FRMPD4: variants seen among roughly 807,000 people sequenced by gnomAD.
FRMPD4 encodes FERM and PDZ domain containing 4.
Under a neutral mutation model 94.1 loss-of-function variants are expected in FRMPD4, and 22 were observed. That is an observed-to-expected ratio of 0.23 (90% CI 0.17 to 0.33). The LOEUF (loss-of-function observed/expected upper bound fraction) is 0.33, where lower values mean the gene tolerates loss of function less well. FRMPD4 is among the 10% of genes least tolerant of loss of function. The probability of loss-of-function intolerance (pLI) is 1.00; values close to 1 mark genes in which losing one functional copy is unlikely to be tolerated. For missense variants in FRMPD4, 1,111 were observed against 1,339.9 expected, an observed-to-expected ratio of 0.83 and a Z score of 2.67; for synonymous variants, 631 against 548.6, an observed-to-expected ratio of 1.15 and a Z score of -2.10.
chrX:12,136,778 C>T (rs896519776), upstream of FRMPD4, among the ~76,000 whole-genome samples: 10 of 109,747 alleles, frequency 9.1e-5, no homozygotes, highest in African/African-American at 2.7e-4. Context: ...TCAAAGGATA[C>T]GGGATCTAGG....
At chrX:11,878,721 C>A (rs1194301680) in intron 3 of FRMPD4, among the ~76,000 whole-genome samples, 1 of 112,187 alleles carries the variant, frequency 8.9e-6, no homozygotes, top group Non-Finnish European at 1.9e-5. Context: ...GTAATGCACA[C>A]ACTTTGGAAT....
At chrX:12,303,907 A>G (rs1163255768) in intron 1 of FRMPD4, among the ~76,000 whole-genome samples, 1 of 111,857 alleles carries the variant, frequency 8.9e-6, no homozygotes, top group Non-Finnish European at 1.9e-5. Flanking sequence ...AAAAGGTTAC[A>G]AGCTAAATCT....
chrX:11,867,947 T>C (rs2053731096), intron 2 of FRMPD4, among the ~76,000 whole-genome samples: 1 of 112,366 alleles, frequency 8.9e-6, no homozygotes, highest in Admixed American at 9.4e-5. Context: ...TGGAGAGGAC[T>C]TCCCTACTCA....
intron 1 of FRMPD4, among the ~76,000 whole-genome samples, chrX:12,187,988 C>G (rs748042891): frequency 1.8e-5 from 2 of 111,360 alleles, no homozygotes; most frequent in Non-Finnish European, 3.8e-5. Context: ...TCTGGCATAT[C>G]AAGGAGTGCC....
rs368222367 is a variant in FRMPD4, at chrX:12,174,110, G to A, written c.41+35098G>A. Among the ~76,000 whole-genome samples, 4 of 111,650 alleles carry A rather than the reference G, an allele frequency of 3.6e-5. No homozygotes were observed. The East Asian group carries it at 8.5e-4, about 24-fold the overall frequency. On this transcript the variant is annotated intron_variant, in intron 1 of 16. Transcript: ENST00000675598. ...AACATCTTCTGCCAAGGGCCACATA[G>A]TACACATTTTCAGCTTTTTGGGCCA...
chrX:12,285,790 C>T (rs915725091), intron 1 of FRMPD4, among the ~76,000 whole-genome samples: 3 of 112,102 alleles, frequency 2.7e-5, no homozygotes, highest in Non-Finnish European at 5.6e-5. Context: ...CATTCAGCAG[C>T]CCCAATGCCG....
intron 1 of FRMPD4, among the ~76,000 whole-genome samples, chrX:12,215,803 G>A (rs1277072160): frequency 2.7e-5 from 3 of 111,782 alleles, no homozygotes; most frequent in Non-Finnish European, 3.8e-5. Flanking sequence ...TAACATCATG[G>A]TTCTTCCTTT....
chrX:12,533,267 G>C (rs751604893), intron 2 of FRMPD4, among the ~76,000 whole-genome samples: 2 of 112,311 alleles, frequency 1.8e-5, no homozygotes, highest in East Asian at 2.8e-4. Context: ...TCAGCTTCCA[G>C]CGTGATCATG....
chrX:12,283,890 T>C lies in FRMPD4; in HGVS notation c.41+144878T>C, dbSNP rs184298363. On this transcript the variant is annotated intron_variant, in intron 1 of 16. Coordinates refer to ENST00000675598, the MANE Select transcript of FRMPD4 (RefSeq NM_001368397.1). ...TTGAAGTTCATTATAGCAGCATAGATTTTTCCAAATTGTATTCTGAGCTAC... is the reference window on the plus strand; with the variant it reads ...TTGAAGTTCATTATAGCAGCATAGACTTTTCCAAATTGTATTCTGAGCTAC... Among the ~76,000 whole-genome samples, 97 of 111,765 alleles carry C rather than the reference T, an allele frequency of 8.7e-4. 1 individual carries two copies. Among genetic ancestry groups the C allele is most frequent in the Admixed American group, 1.8e-3 (19 of 10,527 alleles).
chrX:12,179,778 T>C (rs1468988369), intron 1 of FRMPD4, among the ~76,000 whole-genome samples: 1 of 111,865 alleles, frequency 8.9e-6, no homozygotes, highest in Non-Finnish European at 1.9e-5. Flanking sequence ...GATTTTATTA[T>C]GTTTAATAAG....
At chrX:12,233,692 T>C (rs1032772980) in intron 1 of FRMPD4, among the ~76,000 whole-genome samples, 2 of 111,615 alleles carry the variant, frequency 1.8e-5, no homozygotes, top group Non-Finnish European at 3.8e-5. Flanking sequence ...CTGTGTGGTT[T>C]CACTGAAGCT....
chrX:12,343,628 TC>T (rs370497296), intron 1 of FRMPD4, among the ~76,000 whole-genome samples: 100 of 112,227 alleles, frequency 8.9e-4, no homozygotes, highest in Middle Eastern at 4.6e-3. Context: ...ATTCCATTTG[TC>T]TATATTCACT....
chrX:12,698,734 T>A (rs749471659), intron 9 of FRMPD4, among the ~76,000 whole-genome samples: 2 of 111,294 alleles, frequency 1.8e-5, no homozygotes, highest in Non-Finnish European at 3.8e-5. Flanking sequence ...CCTAGTTAAA[T>A]ACAGGGTAAA....
In FRMPD4 at chrX:11,906,485, TATAGAATTC is replaced by T. The variant is rs2053968792; in HGVS notation, c.95+28468_95+28476del. On this transcript the variant is annotated intron_variant, in intron 3 of 18. Coordinates refer to the FRMPD4 transcript ENST00000640291. ...TTTTCAAAGGTAGTTTTTGCTAAGA[TATAGAATTC>T]TTGGCTGACAGTTTTTTTGTGGGTT... Among the ~76,000 whole-genome samples the T allele has an allele frequency of 5.4e-5, 6 of 111,913 alleles. No individual in the cohort carries two copies. In the South Asian group the frequency reaches 2.2e-3, roughly 42 times the overall value.
chrX:12,046,848 A>G (rs1229736661), intron 3 of FRMPD4, among the ~76,000 whole-genome samples: 1 of 111,150 alleles, frequency 9.0e-6, no homozygotes, highest in Non-Finnish European at 1.9e-5. Flanking sequence ...ACCATTGGCT[A>G]TTTGTGATGA....
chrX:12,109,525 A>G (rs1243040249), intron 3 of FRMPD4, among the ~76,000 whole-genome samples: 1 of 112,008 alleles, frequency 8.9e-6, no homozygotes, highest in African/African-American at 3.2e-5. Flanking sequence ...TAGAGAAGCA[A>G]GAGCAAACAC....
At chrX:12,064,105 G>A (rs1228692028) in intron 3 of FRMPD4, among the ~76,000 whole-genome samples, 1 of 112,009 alleles carries the variant, frequency 8.9e-6, no homozygotes, top group Non-Finnish European at 1.9e-5. Context: ...TAGCTGTTCT[G>A]TACTTAGCTG....
At chrX:12,288,061 C>T (rs976958571) in intron 1 of FRMPD4, among the ~76,000 whole-genome samples, 6 of 111,752 alleles carry the variant, frequency 5.4e-5, no homozygotes, top group Non-Finnish European at 1.1e-4. Context: ...TGGGTTTCTC[C>T]TCACTTAGCT....
intron 1 of FRMPD4, among the ~76,000 whole-genome samples, chrX:12,149,428 C>A (rs1601630810): frequency 9.0e-6 from 1 of 111,358 alleles, no homozygotes; most frequent in African/African-American, 3.3e-5. Context: ...TTCCAACCCT[C>A]ATAGATGGCT....
Sources: allele counts gnomAD v4.1 joint callset (sites outside exome capture counted in the v4.1 genomes callset), GRCh38; gene constraint gnomAD v4.1.1; transcripts MANE v1.5; gene names NCBI Gene and HGNC (gene_info 2026-07-23, HGNC 2026-07-21).